Variants in RNF43 observed in about 807,000 individuals in gnomAD.
The protein encoded by RNF43 is E3 ubiquitin-protein ligase RNF43.
A neutral mutation model predicts 78.4 loss-of-function variants in RNF43; 37 were observed. The ratio of observed to expected loss-of-function variants is 0.47; its 90% CI spans 0.36 to 0.62. The LOEUF (loss-of-function observed/expected upper bound fraction) is 0.62, where lower values mean the gene tolerates loss of function less well. RNF43 is among the 20% of genes least tolerant of loss of function. The pLI, the probability that RNF43 is intolerant of heterozygous loss-of-function variation, is 0.00. For missense variants in RNF43, 774 were observed against 1,007.9 expected (o/e 0.77, Z 3.14); for synonymous variants, 347 against 395.0 (o/e 0.88, Z 1.44).
At chr17:58,355,333 A>G (rs1972665825) in intron 9 of RNF43, among the ~76,000 whole-genome samples, 1 of 152,206 alleles carries the variant, frequency 6.6e-6, no homozygotes, top group South Asian at 2.1e-4. Context: ...TTTGGAGAGA[A>G]AGTATGAAAA....
rs2143446361 is a variant in RNF43 at position 58,360,853 on chromosome 17, G to A, written c.779C>T (p.Pro260Leu). 5 of 1,613,024 alleles carry A rather than the reference G, an allele frequency of 3.1e-6. No individual in the cohort carries two copies. Among genetic ancestry groups the A allele is most frequent in the South Asian group, 1.1e-5 (1 of 90,864 alleles). Residue 260 changes from proline to leucine, a missense_variant, in exon 7 of 10, where the codon CCA becomes CTA. Coordinates refer to ENST00000407977, the MANE Select transcript of RNF43 (RefSeq NM_017763.6). This position sits in a 1 kb window ranked among gnomAD's most constrained non-coding sequence, Gnocchi z 4.3. ...ASCRQARGEW[P>L]DSGSSCSSAP... ...TGAGCTGCAGCTGCTCCCTGAGTCT[G>A]GCCACTCACCCCGGGCCTGCCTGCA...
At chr17:58,361,933 G>A (rs943877761) in intron 6 of RNF43, among the ~76,000 whole-genome samples, 1 of 151,802 alleles carries the variant, frequency 6.6e-6, no homozygotes, top group Non-Finnish European at 1.5e-5. Context: ...AATTAACCCT[G>A]TTAATTTTTA....
intron 2 of RNF43, among the ~76,000 whole-genome samples, chr17:58,381,193 T>C (rs1973308544): frequency 6.6e-6 from 1 of 152,114 alleles, no homozygotes; most frequent in Non-Finnish European, 1.5e-5. Flanking sequence ...AAGGACAAAA[T>C]TATTCAAGCC....
At chr17:58,412,554 C>A (rs1214461349) in intron 2 of RNF43, among the ~76,000 whole-genome samples, 1 of 150,746 alleles carries the variant, frequency 6.6e-6, no homozygotes, top group African/African-American at 2.4e-5. Context: ...ACTTTTAATG[C>A]CCTTATACAT....
Position 58,358,050 on chromosome 17 carries a change from G to A in RNF43, c.1726C>T (p.Pro576Ser), listed in dbSNP as rs775712558. The A allele has an allele frequency of 6.3e-7, 1 of 1,590,778 alleles. No individual in the cohort carries two copies. Among genetic ancestry groups the A allele is most frequent in the East Asian group, 2.2e-5 (1 of 44,714 alleles). The change falls in exon 9 of 10, where the codon CCC (proline) becomes TCC (serine). Residue 576 changes from proline (P) to serine (S), a missense_variant. Transcript: ENST00000407977. The surrounding 1 kb of genome is among the most constrained non-coding windows in gnomAD (Gnocchi z 6.2). ...CGAGGAATAGGAGGCCTGGACTGGG[G>A]GACTCCGGTTTCTGGGCCAGGCTTC... is the stretch of plus-strand genomic sequence containing the variant. Reference protein sequence around the residue: ...GRKPGPETGVPQSRPPIPRTQ... With the variant: ...GRKPGPETGVSQSRPPIPRTQ...
chr17:58,377,168 G>A (rs187375781), intron 2 of RNF43, among the ~76,000 whole-genome samples: 13 of 152,218 alleles, frequency 8.5e-5, no homozygotes, highest in Admixed American at 5.2e-4. Flanking sequence ...CATATTGCTC[G>A]TCTTTGGAAT....
chr17:58,373,116 G>A (rs1442740298), intron 2 of RNF43, among the ~76,000 whole-genome samples: 1 of 152,176 alleles, frequency 6.6e-6, no homozygotes, highest in East Asian at 1.9e-4. Flanking sequence ...AGGACAAATC[G>A]CAGCCACAGA....
rs531273865 is a variant in RNF43, at chr17:58,397,984, T to C, written c.252+17342A>G. On this transcript the variant is annotated intron_variant, in intron 2 of 9. Coordinates refer to ENST00000407977, the MANE Select transcript of RNF43 (RefSeq NM_017763.6). The stretch of plus-strand genomic sequence containing the variant: ...CAACTTTGTATCAGCCCACTCCCTA[T>C]CCCTCTTTTTTGCTTTTAAAAATCC... Among the ~76,000 whole-genome samples the C allele has an allele frequency of 3.3e-5, 5 of 152,308 alleles. No individual in the cohort carries two copies. In the East Asian group the frequency reaches 9.6e-4, roughly 29 times the overall value.
intron 2 of RNF43, among the ~76,000 whole-genome samples, chr17:58,382,046 C>T (rs1482877429): frequency 6.6e-6 from 1 of 152,090 alleles, no homozygotes; most frequent in Non-Finnish European, 1.5e-5. Flanking sequence ...CTTTGACCAG[C>T]CCTCAGTCCC....
intron 9 of RNF43, 61 bp from the exon 10 acceptor site, chr17:58,355,047 C>G: frequency 7.0e-7 from 1 of 1,432,856 alleles, no homozygotes; most frequent in Non-Finnish European, 9.8e-7. Flanking sequence ...ACCTGCTTCT[C>G]TCGCCTGCAG....
At chr17:58,385,830 G>C (rs1973419034) in intron 2 of RNF43, among the ~76,000 whole-genome samples, 1 of 152,104 alleles carries the variant, frequency 6.6e-6, no homozygotes, top group South Asian at 2.1e-4. Flanking sequence ...ATGGAGGCTG[G>C]GCATGGTGGC....
Position 58,387,010 on chromosome 17 carries a change from A to G in RNF43, c.253-15977T>C, listed in dbSNP as rs144050067. Among the ~76,000 whole-genome samples, 118 of 152,282 alleles carry G rather than the reference A, an allele frequency of 7.7e-4. 1 individual carries two copies. The East Asian group carries it at 0.021, about 27-fold the overall frequency. ...TTTCTTTATAATCCCGCATAGCACAATGCTCTAACATAAAAGGCAGTCAAT... is the reference window on the plus strand; with the variant it reads ...TTTCTTTATAATCCCGCATAGCACAGTGCTCTAACATAAAAGGCAGTCAAT... On this transcript the variant is annotated intron_variant, in intron 2 of 9. Transcript: ENST00000407977.
intron 2 of RNF43, among the ~76,000 whole-genome samples, chr17:58,372,174 A>T (rs1300624997): frequency 1.3e-5 from 2 of 152,230 alleles, no homozygotes; most frequent in East Asian, 3.8e-4. Context: ...AAAGATGTTT[A>T]TGAAGATAAT....
intron 3 of RNF43, among the ~76,000 whole-genome samples, chr17:58,370,157 C>T (rs577050681): frequency 6.6e-6 from 1 of 151,452 alleles, no homozygotes; most frequent in African/African-American, 2.4e-5. Context: ...CAAGCTCCAC[C>T]TCCTGGGTTC....
intron 5 of RNF43, among the ~76,000 whole-genome samples, chr17:58,362,975 C>T (rs1179679942): frequency 6.6e-6 from 1 of 152,198 alleles, no homozygotes; most frequent in African/African-American, 2.4e-5. Flanking sequence ...TAGAGAAGCC[C>T]CAATCAGGGG....
Position 58,368,369 on chromosome 17 carries a change from G to A in RNF43, c.375+2542C>T, listed in dbSNP as rs534086612. 3.9e-5 allele frequency among the ~76,000 whole-genome samples: 6 copies of A among 152,306 alleles called. No individual in the cohort carries two copies. The South Asian group carries it at 1.2e-3, about 32-fold the overall frequency. Reference sequence around the variant, plus strand: ...TTGAGACCAGCCTGGCCAACATGGTGAAACCCTGTCTCTACTAAAAATACA... The same window carrying A: ...TTGAGACCAGCCTGGCCAACATGGTAAAACCCTGTCTCTACTAAAAATACA... On this transcript the variant is annotated intron_variant, in intron 3 of 9. Coordinates refer to ENST00000407977, the MANE Select transcript of RNF43 (RefSeq NM_017763.6).
chr17:58,389,250 A>G (rs897050658), intron 2 of RNF43, among the ~76,000 whole-genome samples: 2 of 152,218 alleles, frequency 1.3e-5, no homozygotes, highest in African/African-American at 2.4e-5. Context: ...TGTTGAAAGT[A>G]CTTGACAGAT....
intron 2 of RNF43, among the ~76,000 whole-genome samples, chr17:58,404,964 TA>T (rs1369034211): frequency 2.7e-5 from 4 of 149,938 alleles, no homozygotes; most frequent in African/African-American, 9.8e-5. Context: ...TCTAGACTCC[TA>T]AAGAAAATGC....
chr17:58,411,464 G>C (rs1234821053), intron 2 of RNF43, among the ~76,000 whole-genome samples: 2 of 152,018 alleles, frequency 1.3e-5, no homozygotes, highest in African/African-American at 2.4e-5. Flanking sequence ...TTGACTAACA[G>C]ATAAAATTAA....
Sources: gnomAD v4.1 joint callset for allele counts (sites outside exome capture counted in the v4.1 genomes callset) on GRCh38, gnomAD v4.1.1 for gene constraint, Gnocchi (gnomAD v3.1) non-coding constraint, MANE v1.5 for transcripts, NCBI Gene and HGNC (gene_info 2026-07-23, HGNC 2026-07-21) for gene names.